Variants in LMNTD1 observed in about 807,000 individuals in gnomAD.
LMNTD1 encodes the protein lamin tail domain-containing protein 1.
In LMNTD1, 35 loss-of-function variants were observed where a neutral mutation model predicts 50.9. The ratio of observed to expected loss-of-function variants is 0.69; its 90% CI spans 0.53 to 0.91. LMNTD1 has a LOEUF of 0.91. LMNTD1 is among the 40% of genes least tolerant of loss of function. LMNTD1 has a pLI of 0.00. For synonymous variants in LMNTD1, 153 were observed against 161.9 expected (o/e 0.94, Z 0.42); for missense variants, 470 against 475.5 (o/e 0.99, Z 0.11).
intron 1 of LMNTD1, among the ~76,000 whole-genome samples, chr12:25,605,846 A>G (rs942699690): frequency 2.7e-4 from 41 of 152,316 alleles, no homozygotes; most frequent in African/African-American, 9.9e-4. Context: ...TGAACTTTAA[A>G]GTAGTTTTTT....
Position 25,538,874 on chromosome 12 carries a change from G to C in LMNTD1, c.491+7500C>G, listed in dbSNP as rs1269958059. On this transcript the variant is annotated intron_variant, in intron 4 of 9. Coordinates refer to ENST00000458174, the MANE Select transcript of LMNTD1 (RefSeq NM_001145728.2). ...CATAGGCTCAAAATAAAGGGATGGA[G>C]GAAGATCTACCAAGCAAATGGAAAA... Among the ~76,000 whole-genome samples the C allele has an allele frequency of 1.1e-4, 14 of 132,760 alleles. No individual in the cohort carries two copies. In the Admixed American group the frequency reaches 1.1e-3, roughly 11 times the overall value. The allele number at this position is 132,760 out of a possible 152,430, so 87.1% of individuals were successfully genotyped here.
At chr12:25,539,823 G>A (rs376771655) in intron 4 of LMNTD1, among the ~76,000 whole-genome samples, 24,544 of 136,972 alleles carry the variant, frequency 0.18, 2,736 homozygotes, top group Middle Eastern at 0.29. Flanking sequence ...TTGATAGACC[G>A]CTAGCAAGAC....
chr12:25,481,962 T>C (rs942166535), intron 9 of LMNTD1, among the ~76,000 whole-genome samples: 1 of 151,528 alleles, frequency 6.6e-6, no homozygotes, highest in Non-Finnish European at 1.5e-5. Flanking sequence ...AGACCCTCAG[T>C]TGAGCAATAA....
chr12:25,637,831 CATT>C (rs1946868337), intron 1 of LMNTD1, among the ~76,000 whole-genome samples: 1 of 151,748 alleles, frequency 6.6e-6, no homozygotes, highest in Non-Finnish European at 1.5e-5. Flanking sequence ...ATGAAAATAT[CATT>C]AATCATTAGG....
chr12:25,609,732 C>T (rs923005826), intron 1 of LMNTD1, among the ~76,000 whole-genome samples: 2 of 152,188 alleles, frequency 1.3e-5, no homozygotes, highest in Admixed American at 6.6e-5. Flanking sequence ...CAGAGGGGCA[C>T]CTGGCTATAT....
At chr12:25,592,639 C>T (rs1277033652) in intron 1 of LMNTD1, 1 of 152,574 alleles carries the variant, frequency 6.6e-6, no homozygotes, top group Non-Finnish European at 1.5e-5. Flanking sequence ...GTCAGAGGCA[C>T]TGGAAAAAGG....
chr12:25,493,565 A>G (rs1938960250), intron 9 of LMNTD1, among the ~76,000 whole-genome samples: 1 of 152,226 alleles, frequency 6.6e-6, no homozygotes, highest in South Asian at 2.1e-4. Context: ...ATTCTTTGAA[A>G]CATCAGGATT....
intron 1 of LMNTD1, among the ~76,000 whole-genome samples, chr12:25,594,651 C>CAAAAAAAAAAAAAAAAAAAAAAAAAA (rs61299586): frequency 5.7e-5 from 4 of 69,902 alleles, no homozygotes; most frequent in South Asian, 5.5e-4. Flanking sequence ...AACAGAAATA[C>CAAAAAAAAAAAAAAAAAAAAAAAAAA]AAAAAAAAAA....
At chr12:25,539,232 C>T (rs557154885) in intron 4 of LMNTD1, among the ~76,000 whole-genome samples, 2 of 148,572 alleles carry the variant, frequency 1.3e-5, no homozygotes, top group Non-Finnish European at 3.0e-5. Context: ...ACCTAATAGA[C>T]ATCTACAGAA....
chr12:25,551,152 CT>C (rs1302446316), intron 2 of LMNTD1, among the ~76,000 whole-genome samples: 5 of 152,174 alleles, frequency 3.3e-5, no homozygotes, highest in Non-Finnish European at 7.3e-5. Flanking sequence ...CAGAGAAATG[CT>C]TTTCTCTTTC....
chr12:25,608,665 C>T (rs1228227554), intron 1 of LMNTD1, among the ~76,000 whole-genome samples: 1 of 152,232 alleles, frequency 6.6e-6, no homozygotes, highest in African/African-American at 2.4e-5. Flanking sequence ...TTGGCCCCCA[C>T]TCTCTTGTGG....
chr12:25,538,234 T>C (rs1942762366), intron 4 of LMNTD1, among the ~76,000 whole-genome samples: 2 of 83,538 alleles, frequency 2.4e-5, no homozygotes, highest in Admixed American at 1.4e-4. Context: ...GCCACAAAGA[T>C]ACTCCTCGAG....
chr12:25,524,332 G>C (rs769697638), intron 6 of LMNTD1, among the ~76,000 whole-genome samples: 1 of 152,030 alleles, frequency 6.6e-6, no homozygotes, highest in African/African-American at 2.4e-5. Context: ...TGACAGATAC[G>C]AAATATATTT....
chr12:25,584,263 A>G (rs1468251243), intron 1 of LMNTD1, among the ~76,000 whole-genome samples: 4 of 152,238 alleles, frequency 2.6e-5, no homozygotes, highest in African/African-American at 9.6e-5. Flanking sequence ...TCTCACTTAA[A>G]GCACAATTGA....
chr12:25,568,081 T>C (rs1168732422), intron 1 of LMNTD1, among the ~76,000 whole-genome samples: 1 of 152,098 alleles, frequency 6.6e-6, no homozygotes, highest in East Asian at 1.9e-4. Flanking sequence ...AAAATACTGA[T>C]AGTGATATGG....
chr12:25,587,905 C>A (rs1945589412), intron 1 of LMNTD1, among the ~76,000 whole-genome samples: 1 of 152,070 alleles, frequency 6.6e-6, no homozygotes, highest in Admixed American at 6.6e-5. Flanking sequence ...AAAAAATTAA[C>A]TCACTTATGT....
chr12:25,515,961 A>G (rs980122115), intron 8 of LMNTD1, among the ~76,000 whole-genome samples: 1 of 64,970 alleles, frequency 1.5e-5, no homozygotes, highest in East Asian at 8.6e-4. Context: ...TTTGCCAGCT[A>G]TTGTGTGTGC....
In LMNTD1 at chr12:25,484,694, C is replaced by T. The variant is rs1392087892; in HGVS notation, c.*23-8234G>A. ...CACAGTCCCCAGAGTGTGATATTCC[C>T]CTTCCTGTGTCCATGTGATCTCATT... is the stretch of plus-strand genomic sequence containing the variant. On this transcript the variant is annotated intron_variant, in intron 9 of 9. Transcript: ENST00000458174. Among the ~76,000 whole-genome samples, 189 of 138,148 alleles carry T rather than the reference C, an allele frequency of 1.4e-3. 1 individual carries two copies. Among genetic ancestry groups the T allele is most frequent in the South Asian group, 6.0e-3 (24 of 4,002 alleles). 90.6% of individuals were successfully genotyped at this position (138,148 alleles called of 152,430 possible).
intron 9 of LMNTD1, among the ~76,000 whole-genome samples, chr12:25,483,421 C>CA (rs1214640530): frequency 6.6e-6 from 1 of 151,002 alleles, no homozygotes; most frequent in Non-Finnish European, 1.5e-5. Flanking sequence ...GATCCTGTCT[C>CA]AAAAATTTAT....
Sources: allele counts gnomAD v4.1 joint callset (sites outside exome capture counted in the v4.1 genomes callset), GRCh38; gene constraint gnomAD v4.1.1; transcripts MANE v1.5; gene names NCBI Gene and HGNC (gene_info 2026-07-23, HGNC 2026-07-21).